Variants in ARHGAP28 observed in about 807,000 individuals in gnomAD.
ARHGAP28 encodes the protein rho GTPase-activating protein 28.
Under a neutral mutation model 90.7 loss-of-function variants are expected in ARHGAP28, and 56 were observed. The observed-to-expected ratio is 0.62, with a 90% CI of 0.50 to 0.77. The LOEUF (loss-of-function observed/expected upper bound fraction) is 0.77. Among genes scored for constraint, ARHGAP28 ranks in the 30% least tolerant of loss-of-function variants. The pLI, the probability that ARHGAP28 is intolerant of heterozygous loss-of-function variation, is 0.00. For synonymous variants in ARHGAP28, 308 were observed against 323.3 expected, an observed-to-expected ratio of 0.95 and a Z score of 0.51; for missense variants, 869 against 900.9, an observed-to-expected ratio of 0.96 and a Z score of 0.45.
rs984042539 is a variant in ARHGAP28, at chr18:6,729,796, C to T, written c.-26C>T. 1.4e-6 allele frequency: 2 copies of T among 1,384,300 alleles called. No homozygotes were observed. Among genetic ancestry groups the T allele is most frequent in the East Asian group, 3.1e-5 (1 of 32,394 alleles). The allele number at this position is 1,384,300 out of a possible 1,614,324, so 85.8% of individuals were successfully genotyped here. A position where few individuals can be genotyped will look rare whatever the true frequency, so the allele number is the denominator to read the frequency against. ...CTGGTCCCGGTCTTTGTTCTGGGGC[C>T]GGCGCCGAGACATGCGCGGCTGACG... On this transcript the variant is annotated 5_prime_UTR_variant, in exon 1 of 18. Transcript: ENST00000383472.
intron 1 of ARHGAP28, among the ~76,000 whole-genome samples, chr18:6,793,457 G>A (rs1004244132): frequency 2.0e-5 from 3 of 152,096 alleles, no homozygotes; most frequent in Admixed American, 6.6e-5. Flanking sequence ...GGGAATGGAC[G>A]GCTTTGAGGT....
At chr18:6,738,186 C>G (rs2055944793) in intron 1 of ARHGAP28, among the ~76,000 whole-genome samples, 1 of 152,064 alleles carries the variant, frequency 6.6e-6, no homozygotes, top group Non-Finnish European at 1.5e-5. Flanking sequence ...TTTATTTGTG[C>G]TATTTTAGCA....
chr18:6,844,567 G>T (rs1404104698), intron 3 of ARHGAP28, among the ~76,000 whole-genome samples: 1 of 152,128 alleles, frequency 6.6e-6, no homozygotes, highest in East Asian at 1.9e-4. Context: ...TACATAACAA[G>T]TGATTTATTG....
chr18:6,802,257 T>C (rs1293490152), intron 1 of ARHGAP28, among the ~76,000 whole-genome samples: 5 of 152,024 alleles, frequency 3.3e-5, no homozygotes, highest in African/African-American at 1.2e-4. Flanking sequence ...AATATCCCTT[T>C]GATATGTTGA....
At chr18:6,814,794 A>G (rs2056579554) in intron 1 of ARHGAP28, among the ~76,000 whole-genome samples, 1 of 152,194 alleles carries the variant, frequency 6.6e-6, no homozygotes, top group South Asian at 2.1e-4. Flanking sequence ...TAAAAAGACA[A>G]TTTTTAAAAA....
At chr18:6,880,634 T>A (rs2057170432) in intron 10 of ARHGAP28, among the ~76,000 whole-genome samples, 1 of 152,212 alleles carries the variant, frequency 6.6e-6, no homozygotes, top group Non-Finnish European at 1.5e-5. Context: ...CTGAATGAAC[T>A]GGAGTTCCCC....
intron 3 of ARHGAP28, among the ~76,000 whole-genome samples, chr18:6,838,255 T>A (rs2056769288): frequency 6.6e-6 from 1 of 152,230 alleles, no homozygotes. Context: ...TAGAGATAAG[T>A]TACCTGGGCA....
At chr18:6,870,855 C>G (rs776029668) in intron 7 of ARHGAP28, 123 bp downstream of exon 7, 94 of 1,039,272 alleles carry the variant, frequency 9.0e-5, no homozygotes, top group Middle Eastern at 3.5e-4. Flanking sequence ...GGCTGGAGTG[C>G]AGTGGCGCGA....
chr18:6,735,910 G>A (rs1165996654), intron 1 of ARHGAP28, among the ~76,000 whole-genome samples: 1 of 152,132 alleles, frequency 6.6e-6, no homozygotes, highest in Non-Finnish European at 1.5e-5. Context: ...CCCTCTGAGG[G>A]CATCATACAG....
intron 3 of ARHGAP28, among the ~76,000 whole-genome samples, chr18:6,839,324 C>G (rs552849856): frequency 5.5e-4 from 80 of 144,764 alleles, no homozygotes; most frequent in Non-Finnish European, 8.5e-4. Context: ...GACAGCGTCT[C>G]GCTCTGTCGC....
intron 10 of ARHGAP28, among the ~76,000 whole-genome samples, chr18:6,878,851 G>C (rs535138645): frequency 6.6e-6 from 1 of 152,124 alleles, no homozygotes; most frequent in African/African-American, 2.4e-5. Flanking sequence ...TGCATTAAAG[G>C]GTTCTTTATT....
chr18:6,887,673 G>A (rs1044069545), intron 12 of ARHGAP28, among the ~76,000 whole-genome samples: 4 of 152,002 alleles, frequency 2.6e-5, no homozygotes, highest in African/African-American at 2.4e-5. Flanking sequence ...TCCTCCTGCC[G>A]CAGCCTCCCA....
intron 14 of ARHGAP28, 107 bp downstream of exon 14, chr18:6,890,650 A>C: frequency 1.3e-5 from 8 of 633,132 alleles, no homozygotes; most frequent in South Asian, 4.9e-5. Context: ...TTATATTCTC[A>C]AGGATCAGGG....
At chr18:6,892,867 A>C (rs2057276764) in intron 14 of ARHGAP28, among the ~76,000 whole-genome samples, 1 of 152,220 alleles carries the variant, frequency 6.6e-6, no homozygotes, top group Non-Finnish European at 1.5e-5. Context: ...CACCTTTAGC[A>C]CTCAGCCAAG....
intron 16 of ARHGAP28, among the ~76,000 whole-genome samples, chr18:6,904,718 AT>A (rs1486255827): frequency 6.6e-6 from 1 of 152,182 alleles, no homozygotes; most frequent in Non-Finnish European, 1.5e-5. Context: ...GATGACACAA[AT>A]CAAGAATATC....
intron 1 of ARHGAP28, among the ~76,000 whole-genome samples, chr18:6,814,339 C>T (rs1441018695): frequency 1.3e-5 from 2 of 152,068 alleles, no homozygotes; most frequent in African/African-American, 4.8e-5. Context: ...CATGGGACAC[C>T]AAGCAGGTAG....
chr18:6,842,181 T>G (rs1277035212), intron 3 of ARHGAP28, among the ~76,000 whole-genome samples: 1 of 152,132 alleles, frequency 6.6e-6, no homozygotes, highest in Non-Finnish European at 1.5e-5. Context: ...AGACCATGTC[T>G]CTACAAAAAA....
At chr18:6,882,834 C>CAT (rs2057189560) in intron 11 of ARHGAP28, among the ~76,000 whole-genome samples, 2 of 152,106 alleles carry the variant, frequency 1.3e-5, no homozygotes, top group African/African-American at 4.8e-5. Context: ...GTTACAAAGT[C>CAT]ATATAGATTA....
intron 2 of ARHGAP28, among the ~76,000 whole-genome samples, chr18:6,833,957 C>T (rs1459380691): frequency 6.6e-6 from 1 of 152,084 alleles, no homozygotes; most frequent in East Asian, 1.9e-4. Context: ...TATATGGAGA[C>T]TCTAAGCATC....
Sources: allele counts gnomAD v4.1 joint callset (sites outside exome capture counted in the v4.1 genomes callset), GRCh38; gene constraint gnomAD v4.1.1; transcripts MANE v1.5; gene names NCBI Gene and HGNC (gene_info 2026-07-23, HGNC 2026-07-21).